The following ZNF385D variants were observed in gnomAD, a reference collection of about 807,000 sequenced individuals.
ZNF385D encodes the protein zinc finger protein 659.
ZNF385D carries 15 observed loss-of-function variants against 35.8 expected under a neutral mutation model. The observed-to-expected ratio is 0.42, with a 90% CI of 0.28 to 0.64. The LOEUF (loss-of-function observed/expected upper bound fraction) is 0.64, where lower values mean the gene tolerates loss of function less well. Ranked by LOEUF, ZNF385D falls within the 30% of genes least tolerant of loss-of-function variation. The pLI, the probability that ZNF385D is intolerant of heterozygous loss-of-function variation, is 0.23. For synonymous variants in ZNF385D, 212 were observed against 186.8 expected (o/e 1.13, Z -1.10); for missense variants, 474 against 494.6 (o/e 0.96, Z 0.39).
chr3:22,169,387 C>T (rs1372179070), intron 2 of ZNF385D, among the ~76,000 whole-genome samples: 1 of 152,184 alleles, frequency 6.6e-6, no homozygotes, highest in Non-Finnish European at 1.5e-5. Flanking sequence ...ACACAGCTAA[C>T]AAGTGGTATA....
At chr3:21,447,556 A>T (rs74673249) in intron 4 of ZNF385D, among the ~76,000 whole-genome samples, 3,900 of 152,324 alleles carry the variant, frequency 0.026, 141 homozygotes, top group Admixed American at 0.09. Context: ...CATCTGTTTA[A>T]CATATGTAGT....
At chr3:21,863,662 A>G (rs1269298629) in intron 3 of ZNF385D, among the ~76,000 whole-genome samples, 1 of 152,282 alleles carries the variant, frequency 6.6e-6, no homozygotes, top group South Asian at 2.1e-4. Flanking sequence ...ATAGTGGAAG[A>G]AAGTTATTCT....
At chr3:21,501,358 A>G (rs189154838) in intron 4 of ZNF385D, among the ~76,000 whole-genome samples, 5 of 152,224 alleles carry the variant, frequency 3.3e-5, no homozygotes, top group Non-Finnish European at 5.9e-5. Context: ...GTGTTCCTCT[A>G]CTCATCAGAG....
At chr3:22,114,650 T>C (rs1374572072) in intron 3 of ZNF385D, among the ~76,000 whole-genome samples, 1 of 152,070 alleles carries the variant, frequency 6.6e-6, no homozygotes, top group Non-Finnish European at 1.5e-5. Flanking sequence ...TTGTGTGGAT[T>C]ATATCTCAGA....
chr3:21,950,071 C>T (rs1422116119), intron 3 of ZNF385D, among the ~76,000 whole-genome samples: 4 of 148,808 alleles, frequency 2.7e-5, no homozygotes, highest in Non-Finnish European at 5.9e-5. Context: ...GGTATATACC[C>T]AGTAATGGGA....
Position 21,855,452 on chromosome 3 carries a change from A to G in ZNF385D, c.326-190424T>C, listed in dbSNP as rs183712552. ...TCCACATTTGCCCTCTTCTGTGGCT[A>G]TAAGATCTTCCTCGGCATCTCTACT... On this transcript the variant is annotated intron_variant, in intron 3 of 5. Coordinates refer to the ZNF385D transcript ENST00000494108. 3.9e-4 allele frequency among the ~76,000 whole-genome samples: 59 copies of G among 152,178 alleles called. No individual in the cohort carries two copies. The East Asian group carries it at 9.7e-3, about 25-fold the overall frequency.
intron 3 of ZNF385D, among the ~76,000 whole-genome samples, chr3:21,968,394 G>A (rs1394639473): frequency 6.6e-6 from 1 of 152,008 alleles, no homozygotes; most frequent in Admixed American, 6.6e-5. Flanking sequence ...AGAGCCAGTG[G>A]ACTTGAGGTA....
intron 3 of ZNF385D, among the ~76,000 whole-genome samples, chr3:21,524,915 C>G (rs925241419): frequency 2.0e-5 from 3 of 152,158 alleles, no homozygotes; most frequent in African/African-American, 7.2e-5. Context: ...AGGTTTCACC[C>G]TGGCATCTAG....
Position 22,068,732 on chromosome 3 carries a change from T to C in ZNF385D, c.325+100085A>G, listed in dbSNP as rs115235278. Among the ~76,000 whole-genome samples the C allele has an allele frequency of 7.2e-3, 1,094 of 152,300 alleles. 16 individuals are homozygous for C. The highest frequency in any genetic ancestry group is 0.025 in the African/African-American group (1,027 of 41,556). The stretch of plus-strand genomic sequence containing the variant: ...TTTCTACATACTCCTAGTTAAACCC[T>C]GATTGAACTCTGACTGATAACTTTC... On this transcript the variant is annotated intron_variant, in intron 3 of 5. Coordinates refer to the ZNF385D transcript ENST00000494108.
intron 3 of ZNF385D, among the ~76,000 whole-genome samples, chr3:21,841,294 G>A (rs1158391842): frequency 6.6e-6 from 1 of 151,930 alleles, no homozygotes; most frequent in Non-Finnish European, 1.5e-5. Flanking sequence ...CTGCACTGAT[G>A]GGTGTTCAGA....
At chr3:21,951,061 G>GT (rs1360516318) in intron 3 of ZNF385D, among the ~76,000 whole-genome samples, 3 of 151,554 alleles carry the variant, frequency 2.0e-5, no homozygotes, top group African/African-American at 7.3e-5. Flanking sequence ...ACTTAAAGTA[G>GT]TTTTTTTCTA....
intron 3 of ZNF385D, among the ~76,000 whole-genome samples, chr3:21,556,331 T>C (rs1322394551): frequency 2.0e-5 from 3 of 152,190 alleles, no homozygotes; most frequent in Non-Finnish European, 4.4e-5. Flanking sequence ...GCCTAGGTTT[T>C]CTTCTAGGGT....
intron 2 of ZNF385D, among the ~76,000 whole-genome samples, chr3:22,187,555 T>C (rs1416490895): frequency 6.6e-6 from 1 of 152,088 alleles, no homozygotes; most frequent in Non-Finnish European, 1.5e-5. Flanking sequence ...ATTTCATTCT[T>C]TTTGTAAGGA....
chr3:22,335,770 T>C (rs1010697173), intron 2 of ZNF385D, among the ~76,000 whole-genome samples: 1 of 152,132 alleles, frequency 6.6e-6, no homozygotes, highest in Admixed American at 6.6e-5. Flanking sequence ...TTTTCCATAT[T>C]TCTATTATAC....
intron 3 of ZNF385D, among the ~76,000 whole-genome samples, chr3:22,130,653 T>C (rs1375073395): frequency 6.6e-6 from 1 of 152,126 alleles, no homozygotes; most frequent in African/African-American, 2.4e-5. Context: ...GCACAGATTC[T>C]CTCTTCCCAC....
intron 2 of ZNF385D, among the ~76,000 whole-genome samples, chr3:22,368,454 T>C (rs1219185903): frequency 2.0e-5 from 3 of 152,190 alleles, no homozygotes; most frequent in African/African-American, 7.2e-5. Context: ...AATCATGAGT[T>C]ATTCCAAAAT....
intron 3 of ZNF385D, among the ~76,000 whole-genome samples, chr3:21,818,120 T>A (rs541499297): frequency 6.6e-6 from 1 of 151,910 alleles, no homozygotes; most frequent in Non-Finnish European, 1.5e-5. Context: ...TAGGTGGGAA[T>A]TCAACAATGA....
chr3:21,967,060 T>C (rs1409822921), intron 3 of ZNF385D, among the ~76,000 whole-genome samples: 1 of 152,198 alleles, frequency 6.6e-6, no homozygotes, highest in African/African-American at 2.4e-5. Flanking sequence ...ATTCAAATAA[T>C]AGTGAAAAAT....
chr3:22,089,896 T>C (rs1701236406), intron 3 of ZNF385D, among the ~76,000 whole-genome samples: 1 of 152,154 alleles, frequency 6.6e-6, no homozygotes, highest in African/African-American at 2.4e-5. Context: ...AGTGCTGCAG[T>C]GGCATGATCT....
Sources: allele counts gnomAD v4.1 joint callset (sites outside exome capture counted in the v4.1 genomes callset), GRCh38; gene constraint gnomAD v4.1.1; transcripts MANE v1.5; gene names NCBI Gene and HGNC (gene_info 2026-07-23, HGNC 2026-07-21).